CMYA5: variants seen among roughly 807,000 people sequenced by gnomAD.
CMYA5 encodes the protein cardiomyopathy-associated protein 5.
Under a neutral mutation model 318.9 loss-of-function variants are expected in CMYA5, and 246 were observed. That is an observed-to-expected ratio of 0.77 (90% CI 0.70 to 0.86). The LOEUF (loss-of-function observed/expected upper bound fraction) is 0.86. CMYA5 is among the 40% of genes least tolerant of loss of function. The probability of loss-of-function intolerance (pLI) is 0.00; values close to 1 mark genes in which losing one functional copy is unlikely to be tolerated. For synonymous variants in CMYA5, 1,641 were observed against 1,729.5 expected, an observed-to-expected ratio of 0.95 and a Z score of 1.27; for missense variants, 4,589 against 4,678.2, an observed-to-expected ratio of 0.98 and a Z score of 0.56.
rs1727724639 is a variant in CMYA5, at chr5:79,734,526, A to G, written c.5761A>G (p.Ser1921Gly). ...AGSVQLDSSS[S>G]NELRPGQLKA... ...ATCTGTGCAGCTGGATTCCTCTAGC[A>G]GCAATGAGCTGAGGCCAGGGCAGCT... The change falls in exon 2 of 13, where the codon AGC becomes GGC. Residue 1921 changes from serine (S) to glycine (G), a missense_variant. Ser to Gly is a moderately conservative substitution (Grantham distance 56). This residue lies in a region of CMYA5 where 2,431 missense variants were observed against 2,495.1 expected (regional missense o/e 0.97). Transcript: ENST00000446378. 1.2e-6 allele frequency: 2 copies of G among 1,613,642 alleles called. No individual in the cohort carries two copies.
chr5:79,739,260 A>G lies in CMYA5; in HGVS notation c.10495A>G (p.Lys3499Glu). 1 of 1,611,972 alleles carries G rather than the reference A, an allele frequency of 6.2e-7. No homozygotes were observed. The highest frequency in any genetic ancestry group is 8.5e-7 in the Non-Finnish European group (1 of 1,179,060). Residue 3499 changes from lysine to glutamate, a missense_variant, in exon 2 of 13, where the codon AAG becomes GAG. By Grantham distance (56) the Lys-to-Glu change is moderately conservative (BLOSUM62 1). Coordinates refer to ENST00000446378, the MANE Select transcript of CMYA5 (RefSeq NM_153610.5). ...DQLSSEVVTEKAQKELKKSQI... is the reference protein window; with the variant it reads ...DQLSSEVVTEEAQKELKKSQI... ...ATTATCATCTGAGGTAGTAACTGAA[A>G]AGGCACAAAAAGAGCTGAAAAAGTC...
chr5:79,778,886 TTTTA>T (rs1166914367), intron 9 of CMYA5, among the ~76,000 whole-genome samples: 7 of 126,678 alleles, frequency 5.5e-5, no homozygotes, highest in South Asian at 2.6e-4. Flanking sequence ...GTAATTTCAT[TTTTA>T]TTTATTTTTA....
Position 79,735,990 on chromosome 5 carries a change from T to A in CMYA5, c.7225T>A (p.Ser2409Thr). The change falls in exon 2 of 13, where the codon TCA becomes ACA. Residue 2409 changes from serine to threonine, a missense_variant. Around this residue, in one of 3 missense-constraint regions of CMYA5, gnomAD observed 2,431 missense variants for 2,495.1 expected, o/e 0.97. Coordinates refer to ENST00000446378, the MANE Select transcript of CMYA5 (RefSeq NM_153610.5). The part of the protein sequence containing the change: ...NITKESEKPE[S>T]IILPVEESKG... ...CACAAAGGAATCAGAGAAACCAGAG[T>A]CAATTATTTTGCCAGTAGAAGAATC... 1.2e-6 allele frequency: 2 copies of A among 1,613,010 alleles called. No individual in the cohort carries two copies. The highest frequency in any genetic ancestry group is 2.2e-5 in the South Asian group (2 of 90,820).
chr5:79,711,931 C>T (rs942790168), intron 1 of CMYA5, among the ~76,000 whole-genome samples: 7 of 152,170 alleles, frequency 4.6e-5, no homozygotes, highest in Non-Finnish European at 8.8e-5. Flanking sequence ...AGTATGATCC[C>T]CTTCCATCTT....
At chr5:79,793,004 C>A (rs1207350618) in intron 11 of CMYA5, among the ~76,000 whole-genome samples, 2 of 152,212 alleles carry the variant, frequency 1.3e-5, no homozygotes, top group Non-Finnish European at 2.9e-5. Flanking sequence ...GCATAGAACT[C>A]ATGGTTAAAG....
intron 9 of CMYA5, among the ~76,000 whole-genome samples, chr5:79,787,639 A>T (rs1829104177): frequency 6.6e-6 from 1 of 152,172 alleles, no homozygotes; most frequent in Non-Finnish European, 1.5e-5. Flanking sequence ...AACCAATATG[A>T]TTCAAGGAGT....
Position 79,737,727 on chromosome 5 carries a change from A to C in CMYA5, c.8962A>C (p.Thr2988Pro), listed in dbSNP as rs184380804. ...EYLEEKASFKTIPLPDDSETV... is the reference protein window; with the variant it reads ...EYLEEKASFKPIPLPDDSETV... Reference sequence around the variant, plus strand: ...TTTGGAAGAGAAAGCCTCATTTAAAACCATACCACTCCCTGATGATAGTGA... The same window carrying C: ...TTTGGAAGAGAAAGCCTCATTTAAACCCATACCACTCCCTGATGATAGTGA... Residue 2988 changes from threonine (T) to proline (P), a missense_variant, in exon 2 of 13, where the codon ACC becomes CCC. Coordinates refer to ENST00000446378, the MANE Select transcript of CMYA5 (RefSeq NM_153610.5). 3.9e-5 allele frequency: 63 copies of C among 1,612,214 alleles called. No individual in the cohort carries two copies. In the East Asian group the frequency reaches 4.0e-4, roughly 10 times the overall value.
chr5:79,693,480 A>G (rs1273697054), intron 1 of CMYA5, among the ~76,000 whole-genome samples: 1 of 151,940 alleles, frequency 6.6e-6, no homozygotes, highest in African/African-American at 2.4e-5. Flanking sequence ...AGCTGGGACT[A>G]CAGGTGTGCA....
rs796378446 is a variant in CMYA5, at chr5:79,709,985, A to G, written c.150-18930A>G. On this transcript the variant is annotated intron_variant, in intron 1 of 12. Transcript: ENST00000446378. The stretch of plus-strand genomic sequence containing the variant: ...CAAAAAAAAAAAAAAAAAAAAAAAA[A>G]AAAGAAAGAAAGAAAAAGAAAATAT... 3.4e-5 allele frequency among the ~76,000 whole-genome samples: 5 copies of G among 148,142 alleles called. 1 individual carries two copies. The highest frequency in any genetic ancestry group is 6.9e-5 in the Admixed American group (1 of 14,438).
chr5:79,737,736 C>T lies in CMYA5; in HGVS notation c.8971C>T (p.Leu2991Phe), dbSNP rs1236644197. The change falls in exon 2 of 13, where the codon CTC becomes TTC. Residue 2991 changes from leucine (L) to phenylalanine (F), a missense_variant. Leu to Phe is a conservative substitution (Grantham distance 22). Coordinates refer to ENST00000446378, the MANE Select transcript of CMYA5 (RefSeq NM_153610.5). The part of the protein sequence containing the change: ...EEKASFKTIP[L>F]PDDSETVACH... ...GAAAGCCTCATTTAAAACCATACCA[C>T]TCCCTGATGATAGTGAAACAGTTGC... 2 of 1,611,924 alleles carry T rather than the reference C, an allele frequency of 1.2e-6. No individual in the cohort carries two copies. Among genetic ancestry groups the T allele is most frequent in the Admixed American group, 1.7e-5 (1 of 59,648 alleles).
Position 79,799,594 on chromosome 5 carries a change from C to T in CMYA5, c.12188C>T (p.Pro4063Leu), listed in dbSNP as rs10043986. 170,235 of 1,612,348 alleles carry T rather than the reference C, an allele frequency of 0.11. 10,004 individuals carry two copies. Among genetic ancestry groups the T allele is most frequent in the Non-Finnish European group, 0.12 (143,891 of 1,178,994 alleles). ...KCTLHLGIEP[P>L]DSVRHK ...ACTTTGCACCTGGGGATAGAGCCCC[C>T]GGATTCTGTAAGGCACAAGTGATCC... The change falls in exon 13 of 13, where the codon CCG (proline) becomes CTG (leucine). Residue 4063 changes from proline (P) to leucine (L), a missense_variant. Around this residue, in one of 3 missense-constraint regions of CMYA5, gnomAD observed 2,431 missense variants for 2,495.1 expected, o/e 0.97. Coordinates refer to ENST00000446378, the MANE Select transcript of CMYA5 (RefSeq NM_153610.5).
chr5:79,738,891 C>G lies in CMYA5; in HGVS notation c.10126C>G (p.Gln3376Glu), dbSNP rs544849917. Residue 3376 changes from glutamine (Q) to glutamate (E), a missense_variant, in exon 2 of 13, where the codon CAA (glutamine) becomes GAA (glutamate). Coordinates refer to ENST00000446378, the MANE Select transcript of CMYA5 (RefSeq NM_153610.5). ...SPEVNLNVPV[Q>E]VSFPEEEFAS... ...AGAGGTCAATCTGAATGTCCCAGTA[C>G]AAGTGTCCTTCCCGGAGGAAGAATT... 45 of 1,613,884 alleles carry G rather than the reference C, an allele frequency of 2.8e-5. No homozygotes were observed. The East Asian group carries it at 7.6e-4, about 27-fold the overall frequency.
In CMYA5 at chr5:79,736,843, CTG is replaced by C. The variant is rs988548490; in HGVS notation, c.8081_8082del (p.Val2694GlufsTer20). On this transcript the variant is annotated frameshift_variant, in exon 2 of 13. Coordinates refer to ENST00000446378, the MANE Select transcript of CMYA5 (RefSeq NM_153610.5). LOFTEE classifies it high-confidence loss of function. ...GGTTCAGTAGATATCACAAAAGAAA[CTG>C]TGAAACAAGGATTTCAAGAAAAGGC... 3 of 1,607,872 alleles carry C rather than the reference CTG, an allele frequency of 1.9e-6. No individual in the cohort carries two copies. The highest frequency in any genetic ancestry group is 2.5e-6 in the Non-Finnish European group (3 of 1,178,180).
Position 79,735,906 on chromosome 5 carries a change from GTAGA to G in CMYA5, c.7144_7147del (p.Asp2382ArgfsTer32). ...AAAATCACTCCTTTCATTTGATGTA[GTAGA>G]TAAGGTGCCACAACAGCCAAAATCA... On this transcript the variant is annotated frameshift_variant, in exon 2 of 13. Coordinates refer to ENST00000446378, the MANE Select transcript of CMYA5 (RefSeq NM_153610.5). LOFTEE classifies it high-confidence loss of function. 1 of 1,599,122 alleles carries G rather than the reference GTAGA, an allele frequency of 6.3e-7. No homozygotes were observed. Among genetic ancestry groups the G allele is most frequent in the Non-Finnish European group, 8.5e-7 (1 of 1,175,916 alleles).
chr5:79,719,236 A>T (rs190819295), intron 1 of CMYA5, among the ~76,000 whole-genome samples: 2 of 152,158 alleles, frequency 1.3e-5, no homozygotes, highest in African/African-American at 4.8e-5. Context: ...TTGTACATAT[A>T]TGTTACCTCC....
intron 1 of CMYA5, among the ~76,000 whole-genome samples, chr5:79,713,413 G>C (rs530510849): frequency 6.6e-6 from 1 of 151,554 alleles, no homozygotes; most frequent in East Asian, 1.9e-4. Context: ...CCTATGTTTT[G>C]GTCTGAAGCA....
intron 2 of CMYA5, among the ~76,000 whole-genome samples, chr5:79,742,814 C>T (rs1040242152): frequency 4.3e-4 from 65 of 150,726 alleles, no homozygotes; most frequent in Middle Eastern, 3.2e-3. Context: ...TACAATGTTG[C>T]GAAAGCCCAA....
Position 79,738,491 on chromosome 5 carries a change from AC to A in CMYA5, c.9727del (p.Leu3243SerfsTer11). On this transcript the variant is annotated frameshift_variant, in exon 2 of 13. Transcript: ENST00000446378. LOFTEE classifies it high-confidence loss of function. ...CAGGAATATATTTTGAGAAGTACAT[AC>A]TCAAAGATGACATTCTCCATGACAC... ...GTGIYFEKYILKDDILHDTSL... is the reference protein window; with the variant it reads ...GTGIYFEKYIXKDDILHDTSL... 6.2e-7 allele frequency: 1 copy of A among 1,613,476 alleles called. No individual in the cohort carries two copies.
intron 12 of CMYA5, among the ~76,000 whole-genome samples, chr5:79,794,518 C>A (rs1372411350): frequency 7.9e-5 from 12 of 152,208 alleles, no homozygotes; most frequent in African/African-American, 2.7e-4. Flanking sequence ...CAATTAGCCT[C>A]CTGTTGGCTG....
Sources: gnomAD v4.1 joint callset for allele counts (sites outside exome capture counted in the v4.1 genomes callset) on GRCh38, gnomAD v4.1.1 for gene constraint, gnomAD v4.1.1 regional missense constraint, MANE v1.5 for transcripts, NCBI Gene and HGNC (gene_info 2026-07-23, HGNC 2026-07-21) for gene names.